TAAR5: variants seen among roughly 807,000 people sequenced by gnomAD.
TAAR5 encodes the protein trace amine associated receptor 5, also known as trace amine-associated receptor 5.
Under a neutral mutation model 21.1 loss-of-function variants are expected in TAAR5, and 27 were observed. The observed-to-expected ratio is 1.28, with a 90% CI of 0.94 to 1.76. The LOEUF (loss-of-function observed/expected upper bound fraction) is 1.76. Ranked by LOEUF, TAAR5 falls within the 40% of genes most tolerant of loss-of-function variation. TAAR5 has a pLI of 0.00. For missense variants in TAAR5, 495 were observed against 405.6 expected (o/e 1.22, Z -1.89); for synonymous variants, 203 against 167.5 (o/e 1.21, Z -1.64).
rs142528485 is a variant in TAAR5 at position 132,589,104 on chromosome 6, G to T, written c.583C>A (p.Leu195Met). 5.5e-3 allele frequency: 8,920 copies of T among 1,613,932 alleles called. 34 individuals are homozygous for T. Among genetic ancestry groups the T allele is most frequent in the Non-Finnish European group, 6.4e-3 (7,515 of 1,179,892 alleles). Reference sequence around the variant, plus strand: ...AACCAGCCCCAAAATTTATTGAGCAGCAGCTGGCAACTGCCCACACAAGGC... The same window carrying T: ...AACCAGCCCCAAAATTTATTGAGCATCAGCTGGCAACTGCCCACACAAGGC... ...EMPCVGSCQL[L>M]LNKFWGWLNF... Residue 195 changes from leucine (L) to methionine (M), a missense_variant, in exon 1 of 1, where the codon CTG becomes ATG. Coordinates refer to ENST00000258034, the MANE Select transcript of TAAR5 (RefSeq NM_003967.3).
chr6:132,594,835 C>T, the TAAR5 span: 88 of 152,048 alleles, frequency 5.8e-4, no homozygotes, highest in African/African-American at 2.1e-3. Flanking sequence ...GAGGCCAGTA[C>T]CCCCCCAGAG....
chr6:132,609,597 A>G, the TAAR5 span, among the ~76,000 whole-genome samples: 1 of 152,132 alleles, frequency 6.6e-6, no homozygotes, highest in Non-Finnish European at 1.5e-5. Context: ...TATTCCTGGT[A>G]AGGAAATGGG....
At chr6:132,596,402 A>G in the TAAR5 span, among the ~76,000 whole-genome samples, 6 of 152,188 alleles carry the variant, frequency 3.9e-5, no homozygotes. Context: ...TCTAAGGCCA[A>G]TTGAAATGGA....
chr6:132,609,528 C>T, the TAAR5 span, among the ~76,000 whole-genome samples: 1 of 152,162 alleles, frequency 6.6e-6, no homozygotes, highest in Admixed American at 6.6e-5. Flanking sequence ...TTCTATTTAA[C>T]TCCATTTCAT....
At chr6:132,615,811 C>T in the TAAR5 span, among the ~76,000 whole-genome samples, 3 of 150,980 alleles carry the variant, frequency 2.0e-5, no homozygotes, top group Non-Finnish European at 3.0e-5. Context: ...ATTTTCATTG[C>T]TATAATGGAA....
the TAAR5 span, among the ~76,000 whole-genome samples, chr6:132,607,456 T>C: frequency 6.6e-6 from 1 of 151,966 alleles, no homozygotes; most frequent in East Asian, 1.9e-4. Context: ...GGTATTATGG[T>C]GTCATGAAAT....
chr6:132,611,282 G>A, the TAAR5 span, among the ~76,000 whole-genome samples: 1 of 151,590 alleles, frequency 6.6e-6, no homozygotes, highest in South Asian at 2.1e-4. Flanking sequence ...AGGCTGGAAA[G>A]GATAGTGGGG....
At chr6:132,608,541 T>C in the TAAR5 span, 1 of 455,984 alleles carries the variant, frequency 2.2e-6, no homozygotes, top group Admixed American at 2.4e-5. Flanking sequence ...TTTTCTTGGA[T>C]AGGTGTTTTT....
At chr6:132,598,390 C>T in the TAAR5 span, among the ~76,000 whole-genome samples, 1 of 152,144 alleles carries the variant, frequency 6.6e-6, no homozygotes, top group Admixed American at 6.6e-5. Context: ...ATAAACCTAT[C>T]TAATTTTTTT....
the TAAR5 span, among the ~76,000 whole-genome samples, chr6:132,616,090 T>A: frequency 6.6e-6 from 1 of 152,172 alleles, no homozygotes; most frequent in African/African-American, 2.4e-5. Context: ...TTTTAACATT[T>A]CAGGACATTA....
upstream of TAAR5, among the ~76,000 whole-genome samples, chr6:132,592,701 A>G (rs949295033): frequency 3.7e-4 from 56 of 152,198 alleles, no homozygotes; most frequent in African/African-American, 1.1e-3. Context: ...CAGCCATGTA[A>G]GATGTGCCTG....
chr6:132,608,867 G>A, the TAAR5 span: 2 of 455,886 alleles, frequency 4.4e-6, no homozygotes, highest in Non-Finnish European at 8.8e-6. Flanking sequence ...GTTGTGTAAT[G>A]TAAAGGGTAA....
At chr6:132,609,832 G>A in the TAAR5 span, among the ~76,000 whole-genome samples, 10 of 152,154 alleles carry the variant, frequency 6.6e-5, no homozygotes, top group African/African-American at 1.4e-4. Flanking sequence ...TATTGCTGCC[G>A]AAACATGCAG....
At position 132,589,213 on chromosome 6, in the gene TAAR5, T is replaced by A. The variant is rs561477477; in HGVS notation, c.474A>T (p.Gly158=). The part of the protein sequence containing the change: ...VRVALRYILA[G]WGVPAAYTSL... ...AAGTGTATGCTGCGGGCACCCCCCA[T>A]CCTGCCAGGATGTACCTGAGAGCCA... The change falls in exon 1 of 1, where the codon GGA becomes GGT. Residue 158 remains glycine (G), a synonymous_variant. Transcript: ENST00000258034. 4.5e-5 allele frequency: 72 copies of A among 1,605,518 alleles called. 2 individuals are homozygous for A. The South Asian group carries it at 7.8e-4, about 17-fold the overall frequency.
chr6:132,608,501 T>A, the TAAR5 span: 4 of 455,980 alleles, frequency 8.8e-6, no homozygotes, highest in Middle Eastern at 3.3e-4. Context: ...CCCATTACTA[T>A]ACCCAGTGTC....
the TAAR5 span, among the ~76,000 whole-genome samples, chr6:132,605,755 C>A: frequency 1.3e-5 from 2 of 152,128 alleles, no homozygotes. Context: ...ACATGTACCC[C>A]CTGAATCTTA....
At chr6:132,594,293 G>T (rs562670152), upstream of TAAR5, 1 of 152,062 alleles carries the variant, frequency 6.6e-6, no homozygotes, top group Admixed American at 6.6e-5. Flanking sequence ...CAACTGGAAG[G>T]ATCTCCTTAT....
chr6:132,589,552 C>T lies in TAAR5; in HGVS notation c.135G>A (p.Met45Ile). 1 of 1,613,994 alleles carries T rather than the reference C, an allele frequency of 6.2e-7. No homozygotes were observed. Among genetic ancestry groups the T allele is most frequent in the Non-Finnish European group, 8.5e-7 (1 of 1,179,938 alleles). The change falls in exon 1 of 1, where the codon ATG (methionine) becomes ATA (isoleucine). Residue 45 changes from methionine to isoleucine, a missense_variant. By Grantham distance (10) the Met-to-Ile change is conservative. Coordinates refer to ENST00000258034, the MANE Select transcript of TAAR5 (RefSeq NM_003967.3). Reference sequence around the variant, plus strand: ...ATACATTCCCTAGCACGATAATCAGCATGCCTGCTGCACAGGCCAGGTAGA... The same window carrying T: ...ATACATTCCCTAGCACGATAATCAGTATGCCTGCTGCACAGGCCAGGTAGA... ...LVIYLACAAG[M>I]LIIVLGNVFV...
upstream of TAAR5, among the ~76,000 whole-genome samples, chr6:132,591,599 G>A (rs1036644067): frequency 1.7e-4 from 26 of 152,288 alleles, no homozygotes; most frequent in African/African-American, 6.0e-4. Flanking sequence ...TGCATTACTA[G>A]GTACCTTGAA....
Sources: allele counts gnomAD v4.1 joint callset (sites outside exome capture counted in the v4.1 genomes callset), GRCh38; gene constraint gnomAD v4.1.1; transcripts MANE v1.5; gene names NCBI Gene and HGNC (gene_info 2026-07-23, HGNC 2026-07-21).